Variants in SNPH observed in about 807,000 individuals in gnomAD.
SNPH encodes syntaphilin.
SNPH carries 10 observed loss-of-function variants against 36.8 expected under a neutral mutation model. That is an observed-to-expected ratio of 0.27 (90% CI 0.17 to 0.46). The LOEUF is 0.46. Ranked by LOEUF, SNPH falls within the 20% of genes least tolerant of loss-of-function variation. The pLI is 1.00. For missense variants in SNPH, 622 were observed against 744.0 expected (o/e 0.84, Z 1.91); for synonymous variants, 281 against 312.2 (o/e 0.90, Z 1.05).
rs1327101389 is a variant in SNPH at position 1,306,112 on chromosome 20, T to C, written c.*58T>C. On this transcript the variant is annotated 3_prime_UTR_variant, in exon 7 of 7. Coordinates refer to ENST00000381867, the MANE Select transcript of SNPH (RefSeq NM_001318234.2). ...TGACCACTGATTGTAGGGATGCCGTTCCCCCCTCCCTTCTCCCATGGGCAT... is the reference window on the plus strand; with the variant it reads ...TGACCACTGATTGTAGGGATGCCGTCCCCCCCTCCCTTCTCCCATGGGCAT... The C allele has an allele frequency of 7.0e-6, 9 of 1,282,380 alleles. No homozygotes were observed. Among genetic ancestry groups the C allele is most frequent in the Admixed American group, 6.5e-5 (2 of 30,858 alleles). The allele number at this position is 1,282,380 out of a possible 1,614,324, so 79.4% of individuals were successfully genotyped here.
intron 5 of SNPH, 92 bp downstream of exon 5, chr20:1,297,344 AC>A: frequency 8.5e-7 from 1 of 1,173,612 alleles, no homozygotes; most frequent in Non-Finnish European, 1.2e-6. Context: ...TCGTGTTCTA[AC>A]CACCCCTGAC....
At chr20:1,274,626 G>A (rs552819738) in intron 2 of SNPH, among the ~76,000 whole-genome samples, 19 of 152,262 alleles carry the variant, frequency 1.2e-4, no homozygotes, top group African/African-American at 3.9e-4. Context: ...AAGGCTTCCC[G>A]GAGGAAGAGG....
At position 1,300,419 on chromosome 20, in the gene SNPH, TC is replaced by T. The variant is rs2088491077; in HGVS notation, c.291-141del. On this transcript the variant is annotated intron_variant, in intron 5 of 6. Transcript: ENST00000381867. ...CCACCTTCCAGAAGGCTGGGGGTTC[TC>T]CTGCCTTGTGTGGGAGGCCTGGCTT... The T allele has an allele frequency of 7.0e-5, 56 of 803,294 alleles. 2 individuals are homozygous for T. In the South Asian group the frequency reaches 9.3e-4, roughly 13 times the overall value. 49.8% of individuals were successfully genotyped at this position (803,294 alleles called of 1,614,324 possible). A position where few individuals can be genotyped will look rare whatever the true frequency, so the allele number is the denominator to read the frequency against.
In SNPH at chr20:1,305,877, C is replaced by T. The variant is rs754151376; in HGVS notation, c.1440C>T (p.Ala480=). 1.2e-5 allele frequency: 19 copies of T among 1,595,960 alleles called. No homozygotes were observed. The highest frequency in any genetic ancestry group is 2.3e-5 in the South Asian group (2 of 88,682). Residue 480 remains alanine, a synonymous_variant, in exon 7 of 7, where the codon GCC becomes GCT. Coordinates refer to ENST00000381867, the MANE Select transcript of SNPH (RefSeq NM_001318234.2). ...IVDLLAVVVP[A]VPTVAWLCRS... is the part of the protein sequence containing the mutation. ...ATCTGCTGGCTGTGGTGGTGCCGGC[C>T]GTGCCCACGGTGGCCTGGCTTTGCC...
chr20:1,266,635 CT>C lies in SNPH; in HGVS notation c.-599-14del. The C allele has an allele frequency of 6.7e-7, 1 of 1,486,018 alleles. No individual in the cohort carries two copies. Among genetic ancestry groups the C allele is most frequent in the African/African-American group, 1.5e-5 (1 of 68,150 alleles). 92.1% of individuals were successfully genotyped at this position (1,486,018 alleles called of 1,614,324 possible). ...CGCGCTCACCCGCCCCGGTCTATCT[CT>C]TTTTCCTAACCCCGCAGGTCGCTGA... On this transcript the variant is annotated intron_variant, in intron 1 of 6. Transcript: ENST00000381867. The surrounding 1 kb of genome is among the most constrained non-coding windows in gnomAD (Gnocchi z 6.0).
At chr20:1,272,604 T>C (rs1033045952) in intron 2 of SNPH, among the ~76,000 whole-genome samples, 1 of 151,916 alleles carries the variant, frequency 6.6e-6, no homozygotes, top group African/African-American at 2.4e-5. Context: ...TTAAAATGTG[T>C]ATGTGACCGG....
chr20:1,295,414 G>A (rs118131335), intron 3 of SNPH, among the ~76,000 whole-genome samples: 31 of 152,300 alleles, frequency 2.0e-4, no homozygotes, highest in Admixed American at 3.3e-4. Flanking sequence ...CCAGTGATGG[G>A]TCTCTCTAGG....
chr20:1,266,794 C>A lies in SNPH; in HGVS notation c.-493+34C>A. On this transcript the variant is annotated intron_variant, in intron 2 of 6. Transcript: ENST00000381867. This position sits in a 1 kb window ranked among gnomAD's most constrained non-coding sequence, Gnocchi z 6.0. ...GCCGCGGCGGAGCGGGGAGCTGGCC[C>A]TGCGCTGCACCGCGGCAGGTGGGGG... 6 of 1,322,148 alleles carry A rather than the reference C, an allele frequency of 4.5e-6. No homozygotes were observed. Among genetic ancestry groups the A allele is most frequent in the Non-Finnish European group, 5.8e-6 (6 of 1,035,456 alleles). The allele number at this position is 1,322,148 out of a possible 1,614,324, so 81.9% of individuals were successfully genotyped here. A position where few individuals can be genotyped will look rare whatever the true frequency, so the allele number is the denominator to read the frequency against.
At chr20:1,291,373 T>G (rs1274945475) in intron 2 of SNPH, among the ~76,000 whole-genome samples, 2 of 152,136 alleles carry the variant, frequency 1.3e-5, no homozygotes, top group Admixed American at 6.5e-5. Context: ...GGAAGGAAGA[T>G]CCTAGGTTTT....
At chr20:1,289,042 G>C (rs2088319009) in intron 2 of SNPH, among the ~76,000 whole-genome samples, 1 of 152,148 alleles carries the variant, frequency 6.6e-6, no homozygotes, top group Non-Finnish European at 1.5e-5. Flanking sequence ...CTCCATTGTG[G>C]TATCTTAGAG....
intron 2 of SNPH, among the ~76,000 whole-genome samples, chr20:1,275,036 A>G (rs982159989): frequency 2.0e-5 from 3 of 152,176 alleles, no homozygotes; most frequent in Non-Finnish European, 4.4e-5. Flanking sequence ...GTCATGAGGC[A>G]AACTACGTCT....
chr20:1,300,435 AG>A, intron 5 of SNPH, 126 bp from the exon 6 acceptor site: 1 of 942,190 alleles, frequency 1.1e-6, no homozygotes, highest in Non-Finnish European at 1.6e-6. Context: ...CTTGTGTGGG[AG>A]GCCTGGCTTG....
intron 2 of SNPH, among the ~76,000 whole-genome samples, chr20:1,284,982 T>C (rs936516384): frequency 3.9e-5 from 6 of 152,074 alleles, no homozygotes; most frequent in African/African-American, 1.4e-4. Context: ...AGGAGAGAGA[T>C]GGTGGCTTGG....
At position 1,301,505 on chromosome 20, in the gene SNPH, CTT is replaced by C. The variant is rs11478452; in HGVS notation, c.440+805_440+806del. On this transcript the variant is annotated intron_variant, in intron 6 of 6. Transcript: ENST00000381867. Reference sequence around the variant, plus strand: ...TGATCGCTCCTTTTTTCTTTTCTTTCTTTTTTTTTTTTAATACAGCAGCTTTA... The same window carrying C: ...TGATCGCTCCTTTTTTCTTTTCTTTCTTTTTTTTTTAATACAGCAGCTTTA... 1.0e-3 allele frequency among the ~76,000 whole-genome samples: 146 copies of C among 146,592 alleles called. No homozygotes were observed. The Middle Eastern group carries it at 0.014, about 14-fold the overall frequency.
Position 1,305,869 on chromosome 20 carries a change from G to A in SNPH, c.1432G>A (p.Val478Met). 1.9e-6 allele frequency: 3 copies of A among 1,593,104 alleles called. No individual in the cohort carries two copies. The highest frequency in any genetic ancestry group is 1.3e-5 in the African/African-American group (1 of 74,626). The part of the protein sequence containing the change: ...HYIVDLLAVV[V>M]PAVPTVAWLC... ...CATCGTGGATCTGCTGGCTGTGGTGGTGCCGGCCGTGCCCACGGTGGCCTG... is the reference window on the plus strand; with the variant it reads ...CATCGTGGATCTGCTGGCTGTGGTGATGCCGGCCGTGCCCACGGTGGCCTG... Residue 478 changes from valine (V) to methionine (M), a missense_variant, in exon 7 of 7, where the codon GTG becomes ATG. Val to Met is a conservative substitution (Grantham distance 21, BLOSUM62 1). Coordinates refer to ENST00000381867, the MANE Select transcript of SNPH (RefSeq NM_001318234.2).
intron 2 of SNPH, among the ~76,000 whole-genome samples, chr20:1,279,015 A>C (rs1053711169): frequency 6.6e-6 from 1 of 152,238 alleles, no homozygotes; most frequent in Non-Finnish European, 1.5e-5. Context: ...TTACAAGTAA[A>C]GCTGTTATAA....
intron 6 of SNPH, among the ~76,000 whole-genome samples, chr20:1,301,544 C>T (rs1359796408): frequency 6.6e-6 from 1 of 151,484 alleles, no homozygotes; most frequent in African/African-American, 2.4e-5. Context: ...TGCAATGTAA[C>T]TTACATACCA....
rs147549046 is a variant in SNPH, at chr20:1,305,248, C to T, written c.811C>T (p.Arg271Cys). ...KLSDPAVCGD[R>C]QPGDPSSGSA... ...GAGTGACCCGGCTGTCTGTGGTGAC[C>T]GCCAGCCGGGTGATCCCTCCAGCGG... The change falls in exon 7 of 7, where the codon CGC (arginine) becomes TGC (cysteine). Residue 271 changes from arginine (R) to cysteine (C), a missense_variant. Arg to Cys is a radical substitution (Grantham distance 180, BLOSUM62 -3). Around this residue, in one of 3 missense-constraint regions of SNPH, gnomAD observed 379 missense variants for 427.9 expected, o/e 0.89. Transcript: ENST00000381867. 2.6e-5 allele frequency: 42 copies of T among 1,610,904 alleles called. No homozygotes were observed. Among genetic ancestry groups the T allele is most frequent in the Admixed American group, 1.0e-4 (6 of 59,988 alleles).
chr20:1,300,948 T>G (rs761736007), intron 6 of SNPH, among the ~76,000 whole-genome samples: 11 of 152,242 alleles, frequency 7.2e-5, no homozygotes, highest in Non-Finnish European at 1.6e-4. Flanking sequence ...CAGTTTCCCA[T>G]GAGGGCCTGT....
Sources: gnomAD v4.1 joint callset for allele counts (sites outside exome capture counted in the v4.1 genomes callset) on GRCh38, gnomAD v4.1.1 for gene constraint, gnomAD v4.1.1 regional missense constraint, Gnocchi (gnomAD v3.1) non-coding constraint, MANE v1.5 for transcripts, NCBI Gene and HGNC (gene_info 2026-07-23, HGNC 2026-07-21) for gene names.